ADARB1: variants seen among roughly 807,000 people sequenced by gnomAD.
The protein encoded by ADARB1 is adenosine deaminase RNA specific B1.
ADARB1 carries 10 observed loss-of-function variants against 52.4 expected under a neutral mutation model. The observed-to-expected ratio is 0.19, with a 90% CI of 0.12 to 0.32. The LOEUF is 0.32. Ranked by LOEUF, ADARB1 falls within the 10% of genes least tolerant of loss-of-function variation. The pLI is 1.00. For synonymous variants in ADARB1, 349 were observed against 371.1 expected, an observed-to-expected ratio of 0.94 and a Z score of 0.68; for missense variants, 643 against 922.3, an observed-to-expected ratio of 0.70 and a Z score of 3.92.
intron 2 of ADARB1, among the ~76,000 whole-genome samples, chr21:45,152,037 G>T (rs1165444858): frequency 6.6e-6 from 1 of 152,158 alleles, no homozygotes; most frequent in African/African-American, 2.4e-5. Context: ...GGGGCGGGGG[G>T]ATCCATTTGT....
intron 8 of ADARB1, among the ~76,000 whole-genome samples, chr21:45,196,750 C>T (rs2092434189): frequency 6.6e-6 from 1 of 152,192 alleles, no homozygotes; most frequent in Non-Finnish European, 1.5e-5. Context: ...CCATTAGTCA[C>T]TGATGAAATG....
intron 2 of ADARB1, among the ~76,000 whole-genome samples, chr21:45,132,042 A>C (rs982795859): frequency 2.0e-5 from 3 of 152,230 alleles, no homozygotes; most frequent in African/African-American, 7.2e-5. Flanking sequence ...TTGTGACAAA[A>C]ACTTGACATT....
intron 1 of ADARB1, among the ~76,000 whole-genome samples, chr21:45,105,368 C>G (rs1179354233): frequency 6.6e-6 from 1 of 152,148 alleles, no homozygotes; most frequent in East Asian, 1.9e-4. Context: ...TCTTAAAGTG[C>G]TGGGATTATA....
chr21:45,137,648 G>C (rs1220585046), intron 2 of ADARB1, among the ~76,000 whole-genome samples: 1 of 152,224 alleles, frequency 6.6e-6, no homozygotes, highest in Non-Finnish European at 1.5e-5. Context: ...CCTGATTGAG[G>C]CTCTGAGGGT....
In ADARB1 at chr21:45,184,714, G is replaced by T. The variant is rs1020196111; in HGVS notation, c.1397-209G>T. On this transcript the variant is annotated intron_variant, in intron 7 of 10. Transcript: ENST00000348831. The stretch of plus-strand genomic sequence containing the variant: ...GATCCACCTGCCTCAGCCTCCCAAA[G>T]TGCTGAGATTACAGGTGTGAGCCAC... 9.7e-6 allele frequency: 5 copies of T among 514,202 alleles called. No individual in the cohort carries two copies. The East Asian group carries it at 1.9e-4, about 20-fold the overall frequency. 31.9% of individuals were successfully genotyped at this position (514,202 alleles called of 1,614,324 possible).
Position 45,175,775 on chromosome 21 carries a change from T to C in ADARB1, c.74T>C (p.Val25Ala). 1 of 1,614,162 alleles carries C rather than the reference T, an allele frequency of 6.2e-7. No homozygotes were observed. The highest frequency in any genetic ancestry group is 8.5e-7 in the Non-Finnish European group (1 of 1,180,012). Residue 25 changes from valine (V) to alanine (A), a missense_variant, in exon 4 of 11, where the codon GTG (valine) becomes GCG (alanine). Around this residue, in one of 2 missense-constraint regions of ADARB1, gnomAD observed 380 missense variants for 446.5 expected, o/e 0.85. Transcript: ENST00000348831. ...AAGGAAAACCGCAATCTGGACAACG[T>C]GTCCCCCAAGGATGGCAGCACACCT... is the stretch of plus-strand genomic sequence containing the variant. ...DVKENRNLDN[V>A]SPKDGSTPGP...
intron 2 of ADARB1, among the ~76,000 whole-genome samples, chr21:45,132,731 C>T (rs1446047800): frequency 6.6e-6 from 1 of 152,138 alleles, no homozygotes; most frequent in Non-Finnish European, 1.5e-5. Flanking sequence ...TCTTACTGAA[C>T]CTATGCAGTA....
rs2092517569 is a variant in ADARB1 at position 45,200,111 on chromosome 21, AGT to A, written c.1566-4442_1566-4441del. Among the ~76,000 whole-genome samples the A allele has an allele frequency of 6.6e-6, 1 of 152,098 alleles. No individual in the cohort carries two copies. Among genetic ancestry groups the A allele is most frequent in the South Asian group, 2.1e-4 (1 of 4,820 alleles). The stretch of plus-strand genomic sequence containing the variant: ...GTGTCCCTGCTCTGGGAGAGTTGAG[AGT>A]GGGGAGCAGCCACCTTGGAGGGCCA... On this transcript the variant is annotated intron_variant, in intron 8 of 10. Transcript: ENST00000348831. The surrounding 1 kb of genome is among the most constrained non-coding windows in gnomAD (Gnocchi z 5.0).
At chr21:45,076,786 C>T (rs1394509037) in intron 1 of ADARB1, among the ~76,000 whole-genome samples, 1 of 152,200 alleles carries the variant, frequency 6.6e-6, no homozygotes, top group Admixed American at 6.5e-5. Flanking sequence ...CCAGTGAATG[C>T]ATAAAACAAA....
In ADARB1 at chr21:45,204,835, C is replaced by A; in HGVS notation, c.1747+99C>A. ...AAACACCACCTGAGCTGCTCTGTGG[C>A]TATCAAAAGAACATCAGAGTCCTTC... On this transcript the variant is annotated intron_variant, in intron 9 of 10. Transcript: ENST00000348831. This position sits in a 1 kb window ranked among gnomAD's most constrained non-coding sequence, Gnocchi z 4.4. 7.8e-7 allele frequency: 1 copy of A among 1,284,412 alleles called. No individual in the cohort carries two copies. The highest frequency in any genetic ancestry group is 1.1e-6 in the Non-Finnish European group (1 of 937,336). 79.6% of individuals were successfully genotyped at this position (1,284,412 alleles called of 1,614,324 possible). A position where few individuals can be genotyped will look rare whatever the true frequency, so the allele number is the denominator to read the frequency against.
In ADARB1 at chr21:45,157,072, G is replaced by A. The variant is rs955744987; in HGVS notation, c.-47-14538G>A. Among the ~76,000 whole-genome samples, 2 of 152,200 alleles carry A rather than the reference G, an allele frequency of 1.3e-5. No homozygotes were observed. Among genetic ancestry groups the A allele is most frequent in the African/African-American group, 4.8e-5 (2 of 41,442 alleles). On this transcript the variant is annotated intron_variant, in intron 2 of 10. Transcript: ENST00000348831. The surrounding 1 kb of genome is among the most constrained non-coding windows in gnomAD (Gnocchi z 4.1). ...CAGATCTCCTAGAACCCGTTGTAAT[G>A]GCTATGTGTGTACCTTTCACTGCAT...
chr21:45,111,545 G>A (rs990401852), intron 1 of ADARB1, among the ~76,000 whole-genome samples: 5 of 152,144 alleles, frequency 3.3e-5, no homozygotes, highest in Admixed American at 6.5e-5. Context: ...CATTTATGAC[G>A]ATATGGATCC....
At chr21:45,139,575 C>T (rs1203491923) in intron 2 of ADARB1, among the ~76,000 whole-genome samples, 1 of 152,184 alleles carries the variant, frequency 6.6e-6, no homozygotes, top group Non-Finnish European at 1.5e-5. Context: ...TCTCAACTCC[C>T]ATGCTCAGCT....
rs1406758614 is a variant in ADARB1, at chr21:45,221,830, C to T, written c.1927-188C>T. 6.6e-6 allele frequency among the ~76,000 whole-genome samples: 1 copy of T among 152,188 alleles called. No homozygotes were observed. The highest frequency in any genetic ancestry group is 1.9e-4 in the East Asian group (1 of 5,190). On this transcript the variant is annotated intron_variant, in intron 10 of 10. Transcript: ENST00000348831. The surrounding 1 kb of genome is among the most constrained non-coding windows in gnomAD (Gnocchi z 4.9). The stretch of plus-strand genomic sequence containing the variant: ...GCAAGACTGGAACTTGGCAATAACT[C>T]AGCCCTTAGGAGACGCCGCACCTTG...
Position 45,154,656 on chromosome 21 carries a change from C to T in ADARB1, c.-47-16954C>T, listed in dbSNP as rs537969481. Among the ~76,000 whole-genome samples, 93 of 152,288 alleles carry T rather than the reference C, an allele frequency of 6.1e-4. 1 individual carries two copies. The highest frequency in any genetic ancestry group is 2.1e-3 in the African/African-American group (87 of 41,554). ...CACTCCTGGATTATACTTGCAGTTA[C>T]TGCCTTCCACAGGGCAAATAATTGA... On this transcript the variant is annotated intron_variant, in intron 2 of 10. Coordinates refer to ENST00000348831, the MANE Select transcript of ADARB1 (RefSeq NM_001112.4).
At chr21:45,203,816 C>T (rs529384470) in intron 8 of ADARB1, among the ~76,000 whole-genome samples, 6 of 152,288 alleles carry the variant, frequency 3.9e-5, no homozygotes, top group Non-Finnish European at 5.9e-5. Flanking sequence ...TAGTGGTCCC[C>T]GCTTCTCCGT....
chr21:45,150,417 A>G (rs2090224590), intron 2 of ADARB1, among the ~76,000 whole-genome samples: 1 of 152,220 alleles, frequency 6.6e-6, no homozygotes, highest in South Asian at 2.1e-4. Flanking sequence ...TTTCTAAATT[A>G]TTAAGTTATA....
rs1450350099 is a variant in ADARB1 at position 45,223,971 on chromosome 21, G to T, written c.*1774G>T. 1 of 985,394 alleles carries T rather than the reference G, an allele frequency of 1.0e-6. No individual in the cohort carries two copies. The highest frequency in any genetic ancestry group is 1.1e-4 in the East Asian group (1 of 8,790). 61.0% of individuals were successfully genotyped at this position (985,394 alleles called of 1,614,324 possible). A position where few individuals can be genotyped will look rare whatever the true frequency, so the allele number is the denominator to read the frequency against. On this transcript the variant is annotated 3_prime_UTR_variant, in exon 11 of 11. Transcript: ENST00000348831. ...TGTCTCCCTGAAGCAGTCACAGCAG[G>T]CGTCTCTGCCGCTCCGTCACCACAG...
intron 2 of ADARB1, among the ~76,000 whole-genome samples, chr21:45,155,974 CCCA>C (rs2090564628): frequency 8.4e-6 from 1 of 118,396 alleles, no homozygotes; most frequent in Non-Finnish European, 1.8e-5. Context: ...CACCCACCCA[CCCA>C]CCATCACCCA....
Sources: allele counts gnomAD v4.1 joint callset (sites outside exome capture counted in the v4.1 genomes callset), GRCh38; gene constraint gnomAD v4.1.1; regional missense constraint gnomAD v4.1.1; non-coding constraint Gnocchi (gnomAD v3.1); transcripts MANE v1.5; gene names NCBI Gene and HGNC (gene_info 2026-07-23, HGNC 2026-07-21).